The following AKT3 variants were observed in gnomAD, a reference collection of about 807,000 sequenced individuals.
AKT3 encodes AKT serine/threonine kinase 3, also known as RAC-gamma serine/threonine-protein kinase.
AKT3 carries 15 observed loss-of-function variants against 65.3 expected under a neutral mutation model. The observed-to-expected ratio is 0.23, with a 90% CI of 0.15 to 0.35. AKT3 has a LOEUF of 0.35. Among genes scored for constraint, AKT3 ranks in the 10% least tolerant of loss-of-function variants. AKT3 has a pLI of 1.00. For synonymous variants in AKT3, 206 were observed against 183.8 expected, an observed-to-expected ratio of 1.12 and a Z score of -0.98; for missense variants, 243 against 576.5, an observed-to-expected ratio of 0.42 and a Z score of 5.92.
At chr1:243,767,286 A>G (rs1689889091) in intron 2 of AKT3, among the ~76,000 whole-genome samples, 3 of 152,204 alleles carry the variant, frequency 2.0e-5, no homozygotes, top group Admixed American at 2.0e-4. Context: ...CAATCAATAA[A>G]TTAAATGATA....
chr1:243,565,370 C>T (rs969682234), intron 9 of AKT3, among the ~76,000 whole-genome samples: 3 of 152,244 alleles, frequency 2.0e-5, no homozygotes, highest in African/African-American at 4.8e-5. Flanking sequence ...AACACGGGCA[C>T]GTGCCACCAT....
upstream of AKT3, among the ~76,000 whole-genome samples, chr1:243,850,502 G>T (rs926901224): frequency 6.6e-6 from 1 of 151,390 alleles, no homozygotes. Flanking sequence ...GGGGTTCTGC[G>T]GCCTCCTCCC....
intron 6 of AKT3, among the ~76,000 whole-genome samples, chr1:243,627,359 C>A (rs543697173): frequency 6.6e-6 from 1 of 151,626 alleles, no homozygotes; most frequent in African/African-American, 2.4e-5. Context: ...GAGAGACATA[C>A]TGATTGATCT....
chr1:243,711,277 C>G (rs1686135671), intron 2 of AKT3, among the ~76,000 whole-genome samples: 1 of 152,068 alleles, frequency 6.6e-6, no homozygotes, highest in Admixed American at 6.6e-5. Flanking sequence ...GCAGGGAGCT[C>G]AGACCATGCC....
chr1:243,770,996 A>C (rs1055453089), intron 2 of AKT3, among the ~76,000 whole-genome samples: 3 of 152,156 alleles, frequency 2.0e-5, no homozygotes, highest in Non-Finnish European at 4.4e-5. Flanking sequence ...GAGAATCCAC[A>C]TGATAATGCA....
intron 2 of AKT3, among the ~76,000 whole-genome samples, chr1:243,726,897 T>C (rs1466344301): frequency 6.6e-6 from 1 of 152,154 alleles, no homozygotes; most frequent in African/African-American, 2.4e-5. Context: ...CAATGAAAAG[T>C]CAAAGCAAAG....
intron 1 of AKT3, among the ~76,000 whole-genome samples, chr1:243,845,189 G>A (rs887226499): frequency 6.6e-6 from 1 of 151,866 alleles, no homozygotes; most frequent in Non-Finnish European, 1.5e-5. Context: ...TCTCTAGACA[G>A]CCTGACTAAA....
chr1:243,760,282 CTTTTTTTTTT>C (rs58733457), intron 2 of AKT3, among the ~76,000 whole-genome samples: 24 of 80,914 alleles, frequency 3.0e-4, no homozygotes, highest in Admixed American at 8.0e-4. Flanking sequence ...CTATATCTGG[CTTTTTTTTTT>C]TTTTTTTTTT....
intron 2 of AKT3, among the ~76,000 whole-genome samples, chr1:243,789,374 G>A (rs865907720): frequency 1.2e-4 from 18 of 152,138 alleles, no homozygotes; most frequent in African/African-American, 4.3e-4. Context: ...CTAACAGAAT[G>A]AGACTTTGTC....
At chr1:243,666,006 T>C (rs1055520226) in intron 3 of AKT3, among the ~76,000 whole-genome samples, 1 of 151,210 alleles carries the variant, frequency 6.6e-6, no homozygotes, top group Admixed American at 6.6e-5. Flanking sequence ...AGCTGTGTTT[T>C]TGTTTGTTTG....
chr1:243,694,896 T>A (rs1454325953), intron 3 of AKT3, among the ~76,000 whole-genome samples: 1 of 152,008 alleles, frequency 6.6e-6, no homozygotes, highest in East Asian at 1.9e-4. Context: ...GAGCTAGATC[T>A]TAGGCAAGTT....
intron 2 of AKT3, among the ~76,000 whole-genome samples, chr1:243,838,874 A>G (rs1695062714): frequency 6.6e-6 from 1 of 152,216 alleles, no homozygotes; most frequent in South Asian, 2.1e-4. Flanking sequence ...TAGAGAATAC[A>G]ACATGAAAGT....
intron 4 of AKT3, among the ~76,000 whole-genome samples, chr1:243,661,436 G>C (rs545502183): frequency 4.0e-5 from 6 of 151,370 alleles, no homozygotes; most frequent in South Asian, 2.1e-4. Flanking sequence ...ACAAACCTGA[G>C]AAAAACAAGC....
rs566574203 is a variant in AKT3, at chr1:243,608,743, C to CTTTTTTT, written c.696+4921_696+4927dup. 7.6e-4 allele frequency among the ~76,000 whole-genome samples: 54 copies of CTTTTTTT among 70,798 alleles called. 5 individuals are homozygous for CTTTTTTT. Among genetic ancestry groups the CTTTTTTT allele is most frequent in the African/African-American group, 1.4e-3 (21 of 15,320 alleles). The allele number at this position is 70,798 out of a possible 152,430, so 46.4% of individuals were successfully genotyped here. On this transcript the variant is annotated intron_variant, in intron 8 of 13. Coordinates refer to ENST00000673466, the MANE Select transcript of AKT3 (RefSeq NM_005465.7). ...TTTTCTACAGTAATTAAGTTTTTTG[C>CTTTTTTT]TTTTTTTTTTTTTTTTTTTTTTTTT... is the stretch of plus-strand genomic sequence containing the variant.
At chr1:243,707,387 C>T (rs1297668814) in intron 2 of AKT3, among the ~76,000 whole-genome samples, 1 of 152,132 alleles carries the variant, frequency 6.6e-6, no homozygotes, top group Non-Finnish European at 1.5e-5. Flanking sequence ...GAATAATGAA[C>T]TGAGTGTCGC....
intron 6 of AKT3, among the ~76,000 whole-genome samples, chr1:243,623,737 C>T (rs566786699): frequency 8.5e-5 from 13 of 152,280 alleles, no homozygotes; most frequent in East Asian, 1.9e-4. Flanking sequence ...GACGGAGATA[C>T]GTTACCAGCA....
chr1:243,657,347 A>G (rs773746708), intron 4 of AKT3, among the ~76,000 whole-genome samples: 12 of 152,202 alleles, frequency 7.9e-5, no homozygotes, highest in African/African-American at 1.2e-4. Context: ...TCAGTTTATG[A>G]TAGTTTGTTG....
At chr1:243,849,894 G>A (rs1572452880) in intron 1 of AKT3, 146 bp downstream of exon 1, 1 of 543,984 alleles carries the variant, frequency 1.8e-6, no homozygotes, top group Non-Finnish European at 2.3e-6. Flanking sequence ...CCCCCGGCGC[G>A]GTGACAACCC....
chr1:243,690,731 TAGGGGTGGGGG>T (rs1684636635), intron 3 of AKT3, among the ~76,000 whole-genome samples: 1 of 137,474 alleles, frequency 7.3e-6, no homozygotes, highest in Non-Finnish European at 1.5e-5. Flanking sequence ...TGTTATAATA[TAGGGGTGGGGG>T]AGGGGAGTAA....
Sources: allele counts gnomAD v4.1 joint callset (sites outside exome capture counted in the v4.1 genomes callset), GRCh38; gene constraint gnomAD v4.1.1; transcripts MANE v1.5; gene names NCBI Gene and HGNC (gene_info 2026-07-23, HGNC 2026-07-21).